Variants in UNC13C observed in about 807,000 individuals in gnomAD.
The protein encoded by UNC13C is unc-13 homolog C, also known as protein unc-13 homolog C.
Under a neutral mutation model 245.4 loss-of-function variants are expected in UNC13C, and 174 were observed. That is an observed-to-expected ratio of 0.71 (90% CI 0.63 to 0.80). The LOEUF (loss-of-function observed/expected upper bound fraction) is 0.80. Among genes scored for constraint, UNC13C ranks in the 30% least tolerant of loss-of-function variants. The pLI is 0.00. For synonymous variants in UNC13C, 992 were observed against 895.1 expected, an observed-to-expected ratio of 1.11 and a Z score of -1.93; for missense variants, 2,829 against 2,602.9, an observed-to-expected ratio of 1.09 and a Z score of -1.89.
chr15:54,519,995 G>A (rs946069737), intron 24 of UNC13C, among the ~76,000 whole-genome samples: 1 of 152,136 alleles, frequency 6.6e-6, no homozygotes, highest in South Asian at 2.1e-4. Context: ...AAAAGCAAGA[G>A]CCCAGATAAG....
chr15:54,416,021 G>A (rs1157404881), intron 19 of UNC13C, among the ~76,000 whole-genome samples: 1 of 152,168 alleles, frequency 6.6e-6, no homozygotes, highest in East Asian at 1.9e-4. Context: ...AGCACAAGGT[G>A]CATTTGAGAA....
intron 24 of UNC13C, among the ~76,000 whole-genome samples, chr15:54,519,676 T>C (rs78493113): frequency 0.017 from 2,553 of 152,300 alleles, 62 homozygotes; most frequent in African/African-American, 0.059. Context: ...GAGTTTCTCC[T>C]TAAGAGGCAT....
At chr15:54,047,946 G>A (rs114561476) in intron 2 of UNC13C, among the ~76,000 whole-genome samples, 2,356 of 152,120 alleles carry the variant, frequency 0.015, 33 homozygotes, top group African/African-American at 0.041. Flanking sequence ...CAGGCATATC[G>A]TAAGTATACC....
At position 54,393,133 on chromosome 15, in the gene UNC13C, T is replaced by C; in HGVS notation, c.4799T>C (p.Val1600Ala). The C allele has an allele frequency of 6.2e-7, 1 of 1,610,440 alleles. No individual in the cohort carries two copies. Among genetic ancestry groups the C allele is most frequent in the Non-Finnish European group, 8.5e-7 (1 of 1,178,278 alleles). Residue 1600 changes from valine (V) to alanine (A), a missense_variant, in exon 18 of 33, where the codon GTT becomes GCT. Transcript: ENST00000260323. Reference sequence around the variant, plus strand: ...TGGCCCCAACTTATTACACTGATGGTTACTATTATTGATGAGGATAAAACT... The same window carrying C: ...TGGCCCCAACTTATTACACTGATGGCTACTATTATTGATGAGGATAAAACT... ...DFWPQLITLM[V>A]TIIDEDKTAY...
intron 2 of UNC13C, among the ~76,000 whole-genome samples, chr15:54,108,535 G>GA (rs943627603): frequency 6.6e-6 from 1 of 151,650 alleles, no homozygotes; most frequent in African/African-American, 2.4e-5. Flanking sequence ...TGTAGGCCAA[G>GA]AAAAAAAATA....
At chr15:54,105,711 A>G (rs566553685) in intron 2 of UNC13C, among the ~76,000 whole-genome samples, 2 of 152,358 alleles carry the variant, frequency 1.3e-5, no homozygotes, top group East Asian at 1.9e-4. Context: ...AATCATGAAA[A>G]TCTGAACTAT....
At chr15:54,216,377 G>A (rs1352236349) in intron 4 of UNC13C, among the ~76,000 whole-genome samples, 1 of 151,868 alleles carries the variant, frequency 6.6e-6, no homozygotes, top group Non-Finnish European at 1.5e-5. Context: ...TGAAATTGAT[G>A]GTAATACACA....
At chr15:54,304,458 CTAACA>C (rs2037670701) in intron 13 of UNC13C, among the ~76,000 whole-genome samples, 1 of 151,798 alleles carries the variant, frequency 6.6e-6, no homozygotes, top group Admixed American at 6.6e-5. Context: ...CATGACAAGC[CTAACA>C]TTTTTCCCAG....
At chr15:53,991,923 A>C (rs1170127099) in intron 1 of UNC13C, among the ~76,000 whole-genome samples, 1 of 152,060 alleles carries the variant, frequency 6.6e-6, no homozygotes, top group Admixed American at 6.6e-5. Flanking sequence ...TACTTATCTC[A>C]CTGGTGAATG....
chr15:54,337,157 G>A (rs888424342), intron 16 of UNC13C, among the ~76,000 whole-genome samples: 42 of 152,266 alleles, frequency 2.8e-4, no homozygotes, highest in African/African-American at 1.0e-3. Flanking sequence ...TGGGAGCAGG[G>A]TGGGGGGTAC....
intron 30 of UNC13C, among the ~76,000 whole-genome samples, chr15:54,576,288 A>C (rs747617214): frequency 4.6e-5 from 7 of 152,190 alleles, no homozygotes; most frequent in Non-Finnish European, 8.8e-5. Flanking sequence ...ACTCGTTTTC[A>C]TCCGAAAGAA....
chr15:54,131,389 A>G (rs575835045), intron 2 of UNC13C, among the ~76,000 whole-genome samples: 36 of 152,348 alleles, frequency 2.4e-4, no homozygotes, highest in Middle Eastern at 3.4e-3. Flanking sequence ...TTAATACAGT[A>G]GTCTCCCTGA....
intron 30 of UNC13C, among the ~76,000 whole-genome samples, chr15:54,578,525 A>T (rs555032823): frequency 6.6e-6 from 1 of 152,354 alleles, no homozygotes; most frequent in Non-Finnish European, 1.5e-5. Context: ...TTAAATAATT[A>T]TGAAGGTAAC....
chr15:54,395,963 A>G (rs895538831), intron 18 of UNC13C, among the ~76,000 whole-genome samples: 1 of 151,728 alleles, frequency 6.6e-6, no homozygotes, highest in African/African-American at 2.4e-5. Context: ...CTCAATTTTT[A>G]AAATTATTTA....
chr15:54,274,650 A>G (rs2036779900), intron 10 of UNC13C, among the ~76,000 whole-genome samples: 1 of 151,296 alleles, frequency 6.6e-6, no homozygotes, highest in Non-Finnish European at 1.5e-5. Context: ...TTATGGTTAA[A>G]AAGCTAATAA....
chr15:54,236,983 G>A (rs1285465695), intron 6 of UNC13C, among the ~76,000 whole-genome samples: 1 of 152,122 alleles, frequency 6.6e-6, no homozygotes, highest in Non-Finnish European at 1.5e-5. Context: ...TTTTGGGTAG[G>A]AGTAGATAGT....
At chr15:54,142,867 C>T in intron 2 of UNC13C, 151 bp from the exon 3 acceptor site, 1 of 653,132 alleles carries the variant, frequency 1.5e-6, no homozygotes, top group Admixed American at 2.6e-5. Flanking sequence ...ACCAACTATC[C>T]TTGTACCCTT....
intron 2 of UNC13C, among the ~76,000 whole-genome samples, chr15:54,069,413 T>G (rs1254140128): frequency 1.3e-5 from 2 of 152,160 alleles, no homozygotes; most frequent in Non-Finnish European, 2.9e-5. Flanking sequence ...ATATCACAAG[T>G]GTGTTTGAAT....
chr15:53,879,184 C>G, the UNC13C span, among the ~76,000 whole-genome samples: 80 of 152,120 alleles, frequency 5.3e-4, no homozygotes, highest in Non-Finnish European at 9.1e-4. Flanking sequence ...TTTTTAGACA[C>G]AGGGTCTCAC....
Sources: gnomAD v4.1 joint callset for allele counts (sites outside exome capture counted in the v4.1 genomes callset) on GRCh38, gnomAD v4.1.1 for gene constraint, MANE v1.5 for transcripts, NCBI Gene and HGNC (gene_info 2026-07-23, HGNC 2026-07-21) for gene names.